Variants in BDNF observed in about 807,000 individuals in gnomAD.
BDNF encodes neurotrophic factor BDNF precursor form.
BDNF carries 1 observed loss-of-function variant against 19.5 expected under a neutral mutation model. The observed-to-expected ratio is 0.05, with a 90% CI of 0.02 to 0.24. The LOEUF is 0.24. Ranked by LOEUF, BDNF falls within the 10% of genes least tolerant of loss-of-function variation. The pLI is 1.00. For missense variants in BDNF, 195 were observed against 317.6 expected, an observed-to-expected ratio of 0.61 and a Z score of 2.93; for synonymous variants, 100 against 121.6, an observed-to-expected ratio of 0.82 and a Z score of 1.17.
Position 27,700,407 on chromosome 11 carries a change from C to A in BDNF, c.-265G>T. The stretch of plus-strand genomic sequence containing the variant: ...GCGCGGGACAGCGAGCGGGCGGGTG[C>A]GCCCGGGCGCGGCGGCGGCAGCGTC... On this transcript the variant is annotated 5_prime_UTR_variant, in exon 1 of 2. Transcript: ENST00000356660. 1.0e-6 allele frequency: 1 copy of A among 985,682 alleles called. No individual in the cohort carries two copies. Among genetic ancestry groups the A allele is most frequent in the African/African-American group, 1.7e-5 (1 of 57,274 alleles). 61.1% of individuals were successfully genotyped at this position (985,682 alleles called of 1,614,324 possible).
intron 1 of BDNF, chr11:27,676,248 AT>A (rs1161284359): frequency 6.6e-6 from 1 of 152,206 alleles, no homozygotes; most frequent in Admixed American, 6.5e-5. Context: ...GGATACAGTC[AT>A]CAATGCAACT....
intron 1 of BDNF, among the ~76,000 whole-genome samples, chr11:27,707,338 T>C (rs1860151232): frequency 6.6e-6 from 1 of 152,224 alleles, no homozygotes; most frequent in African/African-American, 2.4e-5. Flanking sequence ...AGCAGAAATA[T>C]TGTTCCCATT....
intron 1 of BDNF, among the ~76,000 whole-genome samples, chr11:27,671,624 A>T (rs1368221097): frequency 6.6e-6 from 1 of 152,202 alleles, no homozygotes; most frequent in African/African-American, 2.4e-5. Flanking sequence ...AAAATATTTT[A>T]ACTAAAGGAG....
intron 1 of BDNF, among the ~76,000 whole-genome samples, chr11:27,689,797 C>T (rs573025117): frequency 6.6e-6 from 1 of 152,148 alleles, no homozygotes; most frequent in East Asian, 1.9e-4. Context: ...GTTTGCTGCA[C>T]CTATCAACCC....
intron 1 of BDNF, among the ~76,000 whole-genome samples, chr11:27,718,978 C>T (rs903140905): frequency 6.6e-6 from 1 of 152,114 alleles, no homozygotes; most frequent in African/African-American, 2.4e-5. Context: ...GGCTCTGTGG[C>T]CGGAACAAAA....
intron 1 of BDNF, among the ~76,000 whole-genome samples, chr11:27,715,453 C>A (rs1488963111): frequency 1.3e-5 from 2 of 152,134 alleles, no homozygotes; most frequent in African/African-American, 4.8e-5. Flanking sequence ...GAATTAGCAA[C>A]TATGACTTAG....
Position 27,658,226 on chromosome 11 carries a change from G to A in BDNF, c.339C>T (p.Tyr113=), listed in dbSNP as rs766669848. 1.9e-6 allele frequency: 3 copies of A among 1,613,866 alleles called. No homozygotes were observed. Among genetic ancestry groups the A allele is most frequent in the Non-Finnish European group, 2.5e-6 (3 of 1,180,020 alleles). The part of the protein sequence containing the change: ...EPPLLFLLEE[Y]KNYLDAANMS... ...TGTTTGCAGCATCTAGGTAATTTTT[G>A]TATTCCTCCAGCAGAAAGAGAAGAG... is the stretch of plus-strand genomic sequence containing the variant. The change falls in exon 2 of 2, where the codon TAC becomes TAT. Residue 113 remains tyrosine (Y), a synonymous_variant. Coordinates refer to ENST00000356660, the MANE Select transcript of BDNF (RefSeq NM_001709.5). This position sits in a 1 kb window ranked among gnomAD's most constrained non-coding sequence, Gnocchi z 5.7.
intron 1 of BDNF, among the ~76,000 whole-genome samples, chr11:27,692,418 T>C (rs1858417013): frequency 6.6e-6 from 1 of 152,164 alleles, no homozygotes; most frequent in Admixed American, 6.6e-5. Flanking sequence ...CACGGCTCAC[T>C]GCAGCCCCAA....
rs766060404 is a variant in BDNF, at chr11:27,655,802, CA to C, written c.*2018del. Reference sequence around the variant, plus strand: ...TCCAAGTGGTGATCACTAACATTTTCAGGTGTGAAATGGGCTGAATGGGCTT... The same window carrying C: ...TCCAAGTGGTGATCACTAACATTTTCGGTGTGAAATGGGCTGAATGGGCTT... On this transcript the variant is annotated 3_prime_UTR_variant, in exon 2 of 2. Coordinates refer to ENST00000356660, the MANE Select transcript of BDNF (RefSeq NM_001709.5). 6.6e-6 allele frequency: 1 copy of C among 152,256 alleles called. No homozygotes were observed. The highest frequency in any genetic ancestry group is 1.9e-4 in the East Asian group (1 of 5,176). The allele number at this position is 152,256 out of a possible 1,614,324, so 9.4% of individuals were successfully genotyped here.
chr11:27,688,859 T>C (rs976921103), intron 1 of BDNF, among the ~76,000 whole-genome samples: 1 of 152,218 alleles, frequency 6.6e-6, no homozygotes, highest in African/African-American at 2.4e-5. Context: ...CTATTTGCCA[T>C]CTGGCCAGCC....
chr11:27,719,381 TTCTTC>T (rs1391849972), intron 1 of BDNF: 1 of 831,070 alleles, frequency 1.2e-6, no homozygotes, highest in Non-Finnish European at 1.5e-6. Flanking sequence ...GCTAAAAGTG[TTCTTC>T]TCCACCGCCT....
intron 1 of BDNF, among the ~76,000 whole-genome samples, chr11:27,662,296 G>A (rs1326885018): frequency 6.6e-6 from 1 of 152,162 alleles, no homozygotes. Flanking sequence ...TTGAGGGAAT[G>A]GATCATGTCT....
intron 1 of BDNF, among the ~76,000 whole-genome samples, chr11:27,694,605 T>G (rs63118860): frequency 8.3e-6 from 1 of 121,140 alleles, no homozygotes; most frequent in Non-Finnish European, 1.7e-5. Context: ...TTTTTTTTTT[T>G]GGTGCTGGCT....
chr11:27,682,722 T>A (rs1857000026), intron 1 of BDNF, among the ~76,000 whole-genome samples: 1 of 152,176 alleles, frequency 6.6e-6, no homozygotes, highest in Non-Finnish European at 1.5e-5. Flanking sequence ...TCCATGTCCC[T>A]GCAAAGGACA....
At position 27,719,644 on chromosome 11, in the gene BDNF, A is replaced by G. The variant is rs538873289; in HGVS notation, c.3+1768T>C. The G allele has an allele frequency of 7.1e-6, 7 of 984,950 alleles. No individual in the cohort carries two copies. The East Asian group carries it at 3.4e-4, about 48-fold the overall frequency. 61.0% of individuals were successfully genotyped at this position (984,950 alleles called of 1,614,324 possible). ...GGGAGGGAGGACAGAAGGGAAAAAA[A>G]AAAGAAAACCCAGAAAGAAGCATCC... On this transcript the variant is annotated intron_variant, in intron 1 of 1. Transcript: ENST00000314915.
rs1852754883 is a variant in BDNF, at chr11:27,657,683, C to A, written c.*138G>T. 1 of 1,476,332 alleles carries A rather than the reference C, an allele frequency of 6.8e-7. No individual in the cohort carries two copies. Among genetic ancestry groups the A allele is most frequent in the South Asian group, 1.4e-5 (1 of 71,772 alleles). 91.5% of individuals were successfully genotyped at this position (1,476,332 alleles called of 1,614,324 possible). On this transcript the variant is annotated 3_prime_UTR_variant, in exon 2 of 2. Transcript: ENST00000356660. The surrounding 1 kb of genome is among the most constrained non-coding windows in gnomAD (Gnocchi z 5.0). Reference sequence around the variant, plus strand: ...GTCCAATAAATAGATTGTAGAACCACTGTACTGTATAAACTTCATTTATAC... The same window carrying A: ...GTCCAATAAATAGATTGTAGAACCAATGTACTGTATAAACTTCATTTATAC...
intron 1 of BDNF, chr11:27,660,134 A>T: frequency 2.9e-6 from 3 of 1,040,234 alleles, no homozygotes; most frequent in Non-Finnish European, 3.6e-6. Context: ...ATGAAGTTTT[A>T]CTGAATTCAA....
chr11:27,682,445 C>T (rs1856962565), intron 1 of BDNF, among the ~76,000 whole-genome samples: 1 of 151,400 alleles, frequency 6.6e-6, no homozygotes, highest in African/African-American at 2.4e-5. Flanking sequence ...TTCTGGGGTA[C>T]ATGTGCAGAA....
intron 1 of BDNF, among the ~76,000 whole-genome samples, chr11:27,709,833 C>T (rs1413866268): frequency 6.6e-6 from 1 of 152,230 alleles, no homozygotes; most frequent in African/African-American, 2.4e-5. Context: ...GCTGGCAACA[C>T]ATTCAGACCT....
Sources: gnomAD v4.1 joint callset for allele counts (sites outside exome capture counted in the v4.1 genomes callset) on GRCh38, gnomAD v4.1.1 for gene constraint, Gnocchi (gnomAD v3.1) non-coding constraint, MANE v1.5 for transcripts, NCBI Gene and HGNC (gene_info 2026-07-23, HGNC 2026-07-21) for gene names.